The following NFIB variants were observed in gnomAD, a reference collection of about 807,000 sequenced individuals.
The protein encoded by NFIB is nuclear factor I B.
In NFIB, 11 loss-of-function variants were observed where a neutral mutation model predicts 61.5. The observed-to-expected ratio is 0.18, with a 90% confidence interval of 0.11 to 0.30. NFIB has a LOEUF of 0.30. NFIB is among the 10% of genes least tolerant of loss of function. NFIB has a pLI of 1.00. For missense variants in NFIB, 471 were observed against 608.9 expected, an observed-to-expected ratio of 0.77 and a Z score of 2.38; for synonymous variants, 260 against 216.5, an observed-to-expected ratio of 1.20 and a Z score of -1.76.
At chr9:14,125,834 T>C in intron 6 of NFIB, 68 bp from the exon 7 acceptor site, 1 of 1,565,296 alleles carries the variant, frequency 6.4e-7, no homozygotes, top group Non-Finnish European at 8.6e-7. Context: ...TGTCAACAAA[T>C]GACAGATCTC....
At chr9:14,302,181 A>G (rs2059786235) in intron 2 of NFIB, among the ~76,000 whole-genome samples, 1 of 152,250 alleles carries the variant, frequency 6.6e-6, no homozygotes, top group Admixed American at 6.5e-5. Context: ...TTAAAATGTT[A>G]AAATACACTG....
At chr9:14,426,658 C>T in the NFIB span, among the ~76,000 whole-genome samples, 1 of 152,198 alleles carries the variant, frequency 6.6e-6, no homozygotes, top group Admixed American at 6.5e-5. Flanking sequence ...TTCTGCCCTT[C>T]CTCCAACCAT....
intron 1 of NFIB, among the ~76,000 whole-genome samples, chr9:14,344,749 A>G (rs1183740590): frequency 4.0e-5 from 6 of 149,198 alleles, no homozygotes; most frequent in Non-Finnish European, 2.9e-5. Context: ...ACTGCAGGGT[A>G]AAGAAAGGAA....
chr9:14,203,212 C>T (rs1287955135), intron 2 of NFIB, among the ~76,000 whole-genome samples: 1 of 151,946 alleles, frequency 6.6e-6, no homozygotes, highest in Admixed American at 6.6e-5. Context: ...AGGCCCATGG[C>T]ATCTTTTGAG....
At chr9:14,460,127 A>G in the NFIB span, among the ~76,000 whole-genome samples, 2 of 152,216 alleles carry the variant, frequency 1.3e-5, no homozygotes, top group Non-Finnish European at 1.5e-5. Context: ...CCAAATGTCC[A>G]GCAACGATAG....
At chr9:14,198,317 T>A (rs965401253) in intron 2 of NFIB, among the ~76,000 whole-genome samples, 1 of 152,122 alleles carries the variant, frequency 6.6e-6, no homozygotes, top group Non-Finnish European at 1.5e-5. Context: ...CTACGTGTCA[T>A]TAAAAAAGCC....
At chr9:14,483,521 T>A in the NFIB span, among the ~76,000 whole-genome samples, 1 of 152,196 alleles carries the variant, frequency 6.6e-6, no homozygotes, top group Non-Finnish European at 1.5e-5. Context: ...GGGTCAGACA[T>A]CCTGAGTTAA....
chr9:14,368,837 A>G (rs1470356501), intron 1 of NFIB, among the ~76,000 whole-genome samples: 1 of 152,180 alleles, frequency 6.6e-6, no homozygotes, highest in Non-Finnish European at 1.5e-5. Flanking sequence ...GCATTTTGGG[A>G]GTCAGATGAC....
In NFIB at chr9:14,088,037, G is replaced by T. The variant is rs951850114; in HGVS notation, c.*272C>A. Reference sequence around the variant, plus strand: ...TATGTCATTACAGTTTCAACCTTAAGGGAATTAGTGATTGTAAGTGCTGCA... The same window carrying T: ...TATGTCATTACAGTTTCAACCTTAATGGAATTAGTGATTGTAAGTGCTGCA... On this transcript the variant is annotated 3_prime_UTR_variant, in exon 11 of 11. Coordinates refer to ENST00000380953, the MANE Select transcript of NFIB (RefSeq NM_001190737.2). 2.3e-5 allele frequency: 13 copies of T among 562,708 alleles called. No homozygotes were observed. The African/African-American group carries it at 2.5e-4, about 11-fold the overall frequency. 34.9% of individuals were successfully genotyped at this position (562,708 alleles called of 1,614,324 possible).
At chr9:14,330,787 T>A (rs1271883327) in intron 1 of NFIB, among the ~76,000 whole-genome samples, 1 of 152,032 alleles carries the variant, frequency 6.6e-6, no homozygotes, top group African/African-American at 2.4e-5. Flanking sequence ...ACATGTTGAG[T>A]CTACAGTTAC....
intron 8 of NFIB, among the ~76,000 whole-genome samples, chr9:14,116,904 G>C (rs1341302909): frequency 6.6e-6 from 1 of 152,156 alleles, no homozygotes; most frequent in Non-Finnish European, 1.5e-5. Flanking sequence ...CAAAACTCTA[G>C]CTCTCTTACA....
At chr9:14,348,527 G>C (rs1449809302) in intron 1 of NFIB, among the ~76,000 whole-genome samples, 1 of 152,218 alleles carries the variant, frequency 6.6e-6, no homozygotes, top group Admixed American at 6.5e-5. Context: ...TTAGGTGTCA[G>C]TGCTTCGGCT....
At chr9:14,449,999 T>C in the NFIB span, among the ~76,000 whole-genome samples, 1 of 152,128 alleles carries the variant, frequency 6.6e-6, no homozygotes, top group African/African-American at 2.4e-5. Flanking sequence ...CTCTCAGTTA[T>C]AGGGTACATG....
chr9:14,233,303 T>C (rs16931499), intron 2 of NFIB, among the ~76,000 whole-genome samples: 65,608 of 151,932 alleles, frequency 0.43, 15,164 homozygotes, highest in Middle Eastern at 0.59. Context: ...AATTTTCAGA[T>C]GTGAAGGAAT....
chr9:14,460,204 T>A, the NFIB span, among the ~76,000 whole-genome samples: 1 of 152,190 alleles, frequency 6.6e-6, no homozygotes, highest in African/African-American at 2.4e-5. Flanking sequence ...AATGATGAGT[T>A]CATGTCCTTT....
At chr9:14,100,679 A>C (rs1391343124) in intron 10 of NFIB, among the ~76,000 whole-genome samples, 2 of 152,236 alleles carry the variant, frequency 1.3e-5, no homozygotes, top group African/African-American at 2.4e-5. Context: ...GCGCCACTGC[A>C]CTCCAGCCTG....
chr9:14,438,414 C>A, the NFIB span, among the ~76,000 whole-genome samples: 1 of 152,136 alleles, frequency 6.6e-6, no homozygotes, highest in African/African-American at 2.4e-5. Flanking sequence ...CAGAGAACAA[C>A]GCATTATTTT....
At chr9:14,414,801 A>G in the NFIB span, among the ~76,000 whole-genome samples, 9 of 152,198 alleles carry the variant, frequency 5.9e-5, 1 homozygote, top group East Asian at 1.7e-3. Context: ...TTACAAGTAT[A>G]TAAATATGAG....
chr9:14,269,845 G>A (rs1251521987), intron 2 of NFIB, among the ~76,000 whole-genome samples: 4 of 152,140 alleles, frequency 2.6e-5, no homozygotes, highest in African/African-American at 9.6e-5. Flanking sequence ...GTTATGGCAA[G>A]CAAATTTGCT....
Sources: allele counts gnomAD v4.1 joint callset (sites outside exome capture counted in the v4.1 genomes callset), GRCh38; gene constraint gnomAD v4.1.1; transcripts MANE v1.5; gene names NCBI Gene and HGNC (gene_info 2026-07-23, HGNC 2026-07-21).